Variants in PRICKLE2 observed in about 807,000 individuals in gnomAD.
PRICKLE2 encodes the protein prickle-like protein 2.
PRICKLE2 carries 21 observed loss-of-function variants against 81.4 expected under a neutral mutation model. The observed-to-expected ratio is 0.26, with a 90% CI of 0.18 to 0.37. PRICKLE2 has a LOEUF of 0.37. Among genes scored for constraint, PRICKLE2 ranks in the 10% least tolerant of loss-of-function variants. The probability of loss-of-function intolerance (pLI) is 1.00; values close to 1 mark genes in which losing one functional copy is unlikely to be tolerated. For missense variants in PRICKLE2, 940 were observed against 1,109.0 expected (o/e 0.85, Z 2.16); for synonymous variants, 456 against 421.5 (o/e 1.08, Z -1.00).
At chr3:64,130,294 G>A (rs1372816001) in intron 7 of PRICKLE2, among the ~76,000 whole-genome samples, 1 of 152,122 alleles carries the variant, frequency 6.6e-6, no homozygotes, top group African/African-American at 2.4e-5. Context: ...TGTGATCTAG[G>A]TGTTGTATTT....
chr3:64,256,491 A>G lies in PRICKLE2; in HGVS notation c.129-57524T>C, dbSNP rs1040273581. ...ACTTGCATAACCTAAAACATTTACT[A>G]TTTGGCTCTACACAGAAAAAGTTTG... On this transcript the variant is annotated intron_variant, in intron 2 of 8. Coordinates refer to the PRICKLE2 transcript ENST00000295902. Among the ~76,000 whole-genome samples the G allele has an allele frequency of 1.5e-4, 23 of 152,174 alleles. 1 individual carries two copies. The highest frequency in any genetic ancestry group is 2.9e-5 in the Non-Finnish European group (2 of 68,034).
chr3:64,127,698 G>T (rs1235268117), intron 7 of PRICKLE2, among the ~76,000 whole-genome samples: 1 of 151,858 alleles, frequency 6.6e-6, no homozygotes, highest in Non-Finnish European at 1.5e-5. Context: ...GGCATCCTCA[G>T]CCCTTCCTGA....
At chr3:64,174,422 T>C (rs938607866) in intron 2 of PRICKLE2, 1 of 139,386 alleles carries the variant, frequency 7.2e-6, no homozygotes, top group African/African-American at 2.4e-5. Context: ...TGTGGGAAGG[T>C]TGTCCCTAGC....
At chr3:64,208,311 A>G (rs2078725698) in intron 1 of PRICKLE2, among the ~76,000 whole-genome samples, 1 of 152,212 alleles carries the variant, frequency 6.6e-6, no homozygotes. Flanking sequence ...AGAGTTGTTA[A>G]AATTGAGCTA....
chr3:64,201,807 T>C (rs773458797), intron 1 of PRICKLE2, among the ~76,000 whole-genome samples: 13 of 152,016 alleles, frequency 8.6e-5, no homozygotes, highest in Admixed American at 6.6e-4. Context: ...TAAGAAGCCA[T>C]TGCATAACTC....
intron 2 of PRICKLE2, among the ~76,000 whole-genome samples, chr3:64,164,134 G>A (rs185447758): frequency 6.6e-6 from 1 of 152,126 alleles, no homozygotes; most frequent in East Asian, 1.9e-4. Context: ...GCACCTTGGG[G>A]GGCTGAGGCG....
intron 2 of PRICKLE2, among the ~76,000 whole-genome samples, chr3:64,267,543 G>A (rs1009564291): frequency 1.3e-5 from 2 of 151,020 alleles, no homozygotes; most frequent in Admixed American, 6.6e-5. Context: ...TAAATATTTA[G>A]GGGAAAATGA....
In PRICKLE2 at chr3:64,094,209, A is replaced by C. The variant is rs1375616523; in HGVS notation, c.*4842T>G. 1 of 152,234 alleles carries C rather than the reference A, an allele frequency of 6.6e-6. No individual in the cohort carries two copies. The highest frequency in any genetic ancestry group is 1.5e-5 in the Non-Finnish European group (1 of 68,046). 9.4% of individuals were successfully genotyped at this position (152,234 alleles called of 1,614,324 possible). A position where few individuals can be genotyped will look rare whatever the true frequency, so the allele number is the denominator to read the frequency against. On this transcript the variant is annotated 3_prime_UTR_variant, in exon 8 of 8. Transcript: ENST00000638394. ...TTTGCTAAAAAAAAATTAATTAAAA[A>C]ATGGAGGACTCATAGTCCTTACAAT...
At chr3:64,115,425 G>C (rs2076918616) in intron 7 of PRICKLE2, among the ~76,000 whole-genome samples, 1 of 152,066 alleles carries the variant, frequency 6.6e-6, no homozygotes, top group Non-Finnish European at 1.5e-5. Context: ...GAAGAACCAA[G>C]ACCCATTATT....
At chr3:64,113,323 G>A (rs1045161531) in intron 7 of PRICKLE2, among the ~76,000 whole-genome samples, 11 of 152,180 alleles carry the variant, frequency 7.2e-5, no homozygotes, top group Non-Finnish European at 4.4e-5. Context: ...GCTGAAGGGT[G>A]GTCTTGCACA....
At chr3:64,222,548 T>C (rs989691131) in intron 1 of PRICKLE2, among the ~76,000 whole-genome samples, 3 of 152,152 alleles carry the variant, frequency 2.0e-5, no homozygotes, top group Middle Eastern at 6.8e-3. Flanking sequence ...CCTGGCAAAA[T>C]TGTGCCATAG....
chr3:64,102,797 G>A (rs568648218), intron 7 of PRICKLE2: 6 of 152,262 alleles, frequency 3.9e-5, no homozygotes, highest in African/African-American at 1.4e-4. Context: ...ATGGAACATG[G>A]GCAATAGATA....
intron 7 of PRICKLE2, among the ~76,000 whole-genome samples, chr3:64,120,839 G>C (rs2077013045): frequency 1.3e-5 from 2 of 152,194 alleles, no homozygotes; most frequent in Non-Finnish European, 2.9e-5. Flanking sequence ...GGAATAGGGA[G>C]AGAAAGCACG....
intron 2 of PRICKLE2, among the ~76,000 whole-genome samples, chr3:64,236,414 T>C (rs1429600344): frequency 6.6e-6 from 1 of 152,154 alleles, no homozygotes; most frequent in Non-Finnish European, 1.5e-5. Context: ...ATGTTCTTTA[T>C]CCATGGTTAT....
chr3:64,252,642 A>T (rs2079464407), intron 2 of PRICKLE2, among the ~76,000 whole-genome samples: 1 of 152,196 alleles, frequency 6.6e-6, no homozygotes, highest in South Asian at 2.1e-4. Context: ...AGGACCCAGG[A>T]CGCATGACGG....
At chr3:64,225,567 G>A (rs965724690), upstream of PRICKLE2, 2 of 501,210 alleles carry the variant, frequency 4.0e-6, no homozygotes, top group Non-Finnish European at 5.2e-6. Flanking sequence ...TTATTTACAT[G>A]TAAATTAGCC....
Position 64,098,962 on chromosome 3 carries a change from C to T in PRICKLE2, c.*89G>A. On this transcript the variant is annotated 3_prime_UTR_variant, in exon 8 of 8. Coordinates refer to ENST00000638394, the MANE Select transcript of PRICKLE2 (RefSeq NM_198859.4). ...CCCTTTTCTCCCCCATAAGCCACCCCCAAAAGCGCTTTAACATTTAAAACA... is the reference window on the plus strand; with the variant it reads ...CCCTTTTCTCCCCCATAAGCCACCCTCAAAAGCGCTTTAACATTTAAAACA... 6.5e-7 allele frequency: 1 copy of T among 1,540,864 alleles called. No homozygotes were observed. The highest frequency in any genetic ancestry group is 1.1e-5 in the South Asian group (1 of 88,982).
At chr3:64,185,627 G>A (rs1352825147) in intron 2 of PRICKLE2, among the ~76,000 whole-genome samples, 1 of 152,098 alleles carries the variant, frequency 6.6e-6, no homozygotes, top group Admixed American at 6.6e-5. Flanking sequence ...GATTAATACT[G>A]AGCAGTTCTT....
chr3:64,265,676 C>T (rs2079693037), intron 2 of PRICKLE2, among the ~76,000 whole-genome samples: 1 of 152,108 alleles, frequency 6.6e-6, no homozygotes, highest in South Asian at 2.1e-4. Flanking sequence ...CAGGGCAAAC[C>T]CAACACAAGA....
Sources: allele counts gnomAD v4.1 joint callset (sites outside exome capture counted in the v4.1 genomes callset), GRCh38; gene constraint gnomAD v4.1.1; transcripts MANE v1.5; gene names NCBI Gene and HGNC (gene_info 2026-07-23, HGNC 2026-07-21).